The following TYW1 variants were observed in gnomAD, a reference collection of about 807,000 sequenced individuals.
The protein encoded by TYW1 is S-adenosyl-L-methionine-dependent tRNA 4-demethylwyosine synthase TYW1.
In TYW1, 46 loss-of-function variants were observed where a neutral mutation model predicts 96.2. The ratio of observed to expected loss-of-function variants is 0.48; its 90% CI spans 0.38 to 0.61. The LOEUF is 0.61. Among genes scored for constraint, TYW1 ranks in the 20% least tolerant of loss-of-function variants. The probability of loss-of-function intolerance (pLI) is 0.00; values close to 1 mark genes in which losing one functional copy is unlikely to be tolerated. For synonymous variants in TYW1, 274 were observed against 323.0 expected (o/e 0.85, Z 1.63); for missense variants, 684 against 909.6 (o/e 0.75, Z 3.19).
At chr7:67,185,465 G>A (rs1476313207) in intron 14 of TYW1, among the ~76,000 whole-genome samples, 1 of 152,110 alleles carries the variant, frequency 6.6e-6, no homozygotes, top group Non-Finnish European at 1.5e-5. Flanking sequence ...CCTTTTGGAA[G>A]TAGAACCAAT....
intron 11 of TYW1, among the ~76,000 whole-genome samples, chr7:67,086,411 A>G (rs538551163): frequency 1.3e-5 from 2 of 152,218 alleles, no homozygotes; most frequent in South Asian, 4.2e-4. Context: ...CTCCAGAAAA[A>G]CAGAACCAGT....
intron 12 of TYW1, among the ~76,000 whole-genome samples, chr7:67,116,455 G>A (rs1797596889): frequency 6.6e-6 from 1 of 152,198 alleles, no homozygotes; most frequent in East Asian, 1.9e-4. Context: ...GGAGGCTGAG[G>A]TGGGTGGATC....
rs144134859 is a variant in TYW1 at position 67,024,356 on chromosome 7, G to A, written c.862-544G>A. ...ATTGTATACATTTTTTTGTAGCAAT[G>A]TGGTCTTGCTATGTTCCCCAGGCTG... is the stretch of plus-strand genomic sequence containing the variant. On this transcript the variant is annotated intron_variant, in intron 6 of 15. Transcript: ENST00000359626. Among the ~76,000 whole-genome samples the A allele has an allele frequency of 2.2e-3, 334 of 152,136 alleles. 1 individual carries two copies. Among genetic ancestry groups the A allele is most frequent in the African/African-American group, 7.3e-3 (304 of 41,514 alleles).
Position 67,180,022 on chromosome 7 carries a change from T to C in TYW1, c.1699-3104T>C, listed in dbSNP as rs1212359687. Among the ~76,000 whole-genome samples the C allele has an allele frequency of 2.3e-5, 3 of 130,172 alleles. 1 individual carries two copies. The highest frequency in any genetic ancestry group is 4.8e-5 in the Non-Finnish European group (3 of 61,920). 85.4% of individuals were successfully genotyped at this position (130,172 alleles called of 152,430 possible). A position where few individuals can be genotyped will look rare whatever the true frequency, so the allele number is the denominator to read the frequency against. ...TTGTATTTTTTGTAGTGATGGGGTCTCTTTATGTTGCCCAGGCTGGTCTCG... is the reference window on the plus strand; with the variant it reads ...TTGTATTTTTTGTAGTGATGGGGTCCCTTTATGTTGCCCAGGCTGGTCTCG... On this transcript the variant is annotated intron_variant, in intron 13 of 15. Transcript: ENST00000359626.
chr7:67,107,331 C>T (rs564884665), intron 12 of TYW1, among the ~76,000 whole-genome samples: 1 of 152,260 alleles, frequency 6.6e-6, no homozygotes, highest in African/African-American at 2.4e-5. Context: ...AGTTCCCCGA[C>T]CCCCAGCCTA....
intron 12 of TYW1, among the ~76,000 whole-genome samples, chr7:67,110,250 A>G (rs1787242360): frequency 2.0e-5 from 3 of 152,240 alleles, no homozygotes; most frequent in African/African-American, 4.8e-5. Context: ...GAAAAGCTCC[A>G]TCGTATTCCT....
At chr7:67,172,485 G>A (rs557158378) in intron 13 of TYW1, among the ~76,000 whole-genome samples, 107 of 151,394 alleles carry the variant, frequency 7.1e-4, no homozygotes, top group African/African-American at 2.4e-3. Context: ...CAGCAGCCCA[G>A]TCTCAGCTCA....
At chr7:67,160,313 A>C (rs1799122577) in intron 13 of TYW1, among the ~76,000 whole-genome samples, 1 of 152,136 alleles carries the variant, frequency 6.6e-6, no homozygotes, top group Admixed American at 6.5e-5. Flanking sequence ...TGAACATTGC[A>C]ACTCTGAATA....
At chr7:67,018,970 A>G (rs77651997) in intron 6 of TYW1, among the ~76,000 whole-genome samples, 10 of 102,348 alleles carry the variant, frequency 9.8e-5, no homozygotes, top group Admixed American at 9.0e-4. Flanking sequence ...AAAAAAAAAA[A>G]AAAGAAAAAA....
intron 9 of TYW1, among the ~76,000 whole-genome samples, chr7:67,060,589 A>G (rs1222536701): frequency 1.3e-5 from 2 of 152,248 alleles, no homozygotes; most frequent in Non-Finnish European, 2.9e-5. Context: ...ATCCAGGTAC[A>G]GCTTGTAATA....
chr7:67,017,652 A>G (rs2129242908), intron 5 of TYW1, among the ~76,000 whole-genome samples: 1 of 152,268 alleles, frequency 6.6e-6, no homozygotes, highest in South Asian at 2.1e-4. Flanking sequence ...CTAAGGCAGA[A>G]AAGTAGAATA....
intron 13 of TYW1, among the ~76,000 whole-genome samples, chr7:67,180,364 G>A (rs1799796065): frequency 1.1e-5 from 1 of 89,480 alleles, no homozygotes; most frequent in African/African-American, 5.5e-5. Context: ...ACTCACTACC[G>A]TATCCTTGGA....
chr7:67,198,321 C>T (rs143178335), intron 15 of TYW1, among the ~76,000 whole-genome samples: 2 of 152,014 alleles, frequency 1.3e-5, no homozygotes, highest in South Asian at 4.2e-4. Context: ...AAGGCTGAGG[C>T]GGGCAGATCA....
At chr7:67,234,679 T>C (rs1801831983) in intron 15 of TYW1, among the ~76,000 whole-genome samples, 1 of 152,218 alleles carries the variant, frequency 6.6e-6, no homozygotes, top group African/African-American at 2.4e-5. Context: ...CAGTCAGTTG[T>C]CAGATTTTAG....
At chr7:67,043,085 A>G (rs1003861923) in intron 7 of TYW1, among the ~76,000 whole-genome samples, 2 of 151,836 alleles carry the variant, frequency 1.3e-5, no homozygotes, top group Admixed American at 6.6e-5. Flanking sequence ...TGATCAAACT[A>G]TTATCATCTG....
At chr7:67,214,426 G>A (rs752328085) in intron 15 of TYW1, among the ~76,000 whole-genome samples, 11 of 152,030 alleles carry the variant, frequency 7.2e-5, no homozygotes, top group Non-Finnish European at 1.6e-4. Flanking sequence ...TCTTCTACAT[G>A]TATAATCATG....
intron 12 of TYW1, among the ~76,000 whole-genome samples, chr7:67,104,060 C>T (rs1224633808): frequency 1.3e-5 from 2 of 151,968 alleles, no homozygotes; most frequent in African/African-American, 4.8e-5. Context: ...GCAATACCAC[C>T]TGTACTCTGG....
At chr7:67,070,682 A>G (rs1189103012) in intron 10 of TYW1, among the ~76,000 whole-genome samples, 2 of 152,114 alleles carry the variant, frequency 1.3e-5, no homozygotes, top group African/African-American at 2.4e-5. Context: ...CATGGTTTCC[A>G]TTAGCTCTTT....
intron 15 of TYW1, among the ~76,000 whole-genome samples, chr7:67,222,243 C>G (rs1290442786): frequency 6.6e-6 from 1 of 152,190 alleles, no homozygotes; most frequent in Middle Eastern, 3.4e-3. Context: ...CAAAACAAAG[C>G]TGTAACAATC....
Sources: allele counts gnomAD v4.1 joint callset (sites outside exome capture counted in the v4.1 genomes callset), GRCh38; gene constraint gnomAD v4.1.1; transcripts MANE v1.5; gene names NCBI Gene and HGNC (gene_info 2026-07-23, HGNC 2026-07-21).